The following TTC23 variants were observed in gnomAD, a reference collection of about 807,000 sequenced individuals.
The protein encoded by TTC23 is tetratricopeptide repeat domain 23.
In TTC23, 58 loss-of-function variants were observed where a neutral mutation model predicts 55.1. The ratio of observed to expected loss-of-function variants is 1.05; its 90% CI spans 0.85 to 1.31. TTC23 has a LOEUF of 1.31. TTC23 is among the 50% of genes most tolerant of loss of function. The pLI is 0.00. For synonymous variants in TTC23, 203 were observed against 199.9 expected (o/e 1.02, Z -0.13); for missense variants, 516 against 534.4 (o/e 0.97, Z 0.34).
At chr15:99,204,081 A>G (rs1220917632) in intron 8 of TTC23, among the ~76,000 whole-genome samples, 1 of 152,222 alleles carries the variant, frequency 6.6e-6, no homozygotes, top group Admixed American at 6.5e-5. Flanking sequence ...ACTATTCTCC[A>G]TAGTGGCTGT....
At chr15:99,182,600 C>T (rs1218924376) in intron 9 of TTC23, among the ~76,000 whole-genome samples, 3 of 151,998 alleles carry the variant, frequency 2.0e-5, no homozygotes, top group Non-Finnish European at 4.4e-5. Context: ...CATTTTTACT[C>T]TGTCAAATTT....
chr15:99,210,233 G>C (rs1182888647), intron 8 of TTC23, among the ~76,000 whole-genome samples: 1 of 151,988 alleles, frequency 6.6e-6, no homozygotes, highest in Non-Finnish European at 1.5e-5. Context: ...GTCAGAAAAG[G>C]AAAGACAGAA....
chr15:99,171,232 G>C (rs1405506170), intron 10 of TTC23, among the ~76,000 whole-genome samples: 1 of 152,172 alleles, frequency 6.6e-6, no homozygotes. Flanking sequence ...AACAGTTCAA[G>C]TGTCTTCTGG....
At chr15:99,147,463 G>C (rs1555494486) in intron 12 of TTC23, among the ~76,000 whole-genome samples, 1 of 151,492 alleles carries the variant, frequency 6.6e-6, no homozygotes, top group African/African-American at 2.4e-5. Context: ...CTGACCTCGT[G>C]ATCCTCCTGC....
chr15:99,138,796 G>A (rs1201992002), intron 13 of TTC23, among the ~76,000 whole-genome samples: 1 of 152,212 alleles, frequency 6.6e-6, no homozygotes, highest in Non-Finnish European at 1.5e-5. Flanking sequence ...GTCTGCTCCG[G>A]GCTGTGGCCC....
chr15:99,151,636 C>T (rs1321768780), intron 12 of TTC23, among the ~76,000 whole-genome samples: 2 of 152,214 alleles, frequency 1.3e-5, no homozygotes, highest in African/African-American at 4.8e-5. Context: ...CCCTTTATAC[C>T]TGAGCTAGTT....
chr15:99,244,666 C>T (rs1406289891), intron 2 of TTC23, among the ~76,000 whole-genome samples: 1 of 152,018 alleles, frequency 6.6e-6, no homozygotes, highest in African/African-American at 2.4e-5. Context: ...ATTCCATGTT[C>T]ATAGATTAAA....
At position 99,241,742 on chromosome 15, in the gene TTC23, C is replaced by T. The variant is rs1232042651; in HGVS notation, c.-308-183G>A. The stretch of plus-strand genomic sequence containing the variant: ...GGAGCTCAGTTCTGAAGGTCCCCTG[C>T]TTTTCCAGGTGTGAACCGTTGGAGG... On this transcript the variant is annotated intron_variant, in intron 2 of 13. Coordinates refer to ENST00000394132, the MANE Select transcript of TTC23 (RefSeq NM_001288615.3). Among the ~76,000 whole-genome samples, 3 of 152,222 alleles carry T rather than the reference C, an allele frequency of 2.0e-5. No homozygotes were observed. The East Asian group carries it at 5.8e-4, about 29-fold the overall frequency.
intron 8 of TTC23, among the ~76,000 whole-genome samples, chr15:99,207,671 C>T (rs1258398435): frequency 6.6e-6 from 1 of 152,154 alleles, no homozygotes; most frequent in Admixed American, 6.5e-5. Context: ...GCATGAGAAT[C>T]GCTTGAACCC....
At chr15:99,209,517 G>A (rs1186340236) in intron 8 of TTC23, among the ~76,000 whole-genome samples, 1 of 152,254 alleles carries the variant, frequency 6.6e-6, no homozygotes, top group East Asian at 1.9e-4. Flanking sequence ...GGGCTCTGCT[G>A]GGCCACTTTC....
intron 10 of TTC23, among the ~76,000 whole-genome samples, chr15:99,168,952 TC>T (rs1178463748): frequency 6.6e-6 from 1 of 152,154 alleles, no homozygotes; most frequent in Non-Finnish European, 1.5e-5. Flanking sequence ...TTGCTTGGCC[TC>T]TAACTTGCTG....
chr15:99,196,661 G>T (rs556997724), intron 9 of TTC23, among the ~76,000 whole-genome samples: 10 of 152,120 alleles, frequency 6.6e-5, no homozygotes, highest in Non-Finnish European at 1.3e-4. Context: ...AGCACCACCT[G>T]AGTATGGGCT....
intron 8 of TTC23, among the ~76,000 whole-genome samples, chr15:99,214,110 T>C (rs1273456725): frequency 6.6e-6 from 1 of 152,148 alleles, no homozygotes; most frequent in Non-Finnish European, 1.5e-5. Context: ...TGTAAGAGTA[T>C]CTTATTTATT....
chr15:99,171,004 T>C (rs2072851613), intron 10 of TTC23, among the ~76,000 whole-genome samples: 1 of 152,226 alleles, frequency 6.6e-6, no homozygotes, highest in Non-Finnish European at 1.5e-5. Context: ...GGGTTCTTCT[T>C]GCTTTTATTG....
At chr15:99,198,340 G>C (rs973640044) in intron 9 of TTC23, among the ~76,000 whole-genome samples, 2 of 152,148 alleles carry the variant, frequency 1.3e-5, no homozygotes, top group African/African-American at 4.8e-5. Context: ...AAACCTGGGA[G>C]TCATCTATAA....
In TTC23 at chr15:99,221,545, A is replaced by T. The variant is rs1476745492; in HGVS notation, c.304+196T>A. The stretch of plus-strand genomic sequence containing the variant: ...AAACAAAAAAACCAGAAAAGTTAAA[A>T]TATTTTTTCCATTTTTCCCCTTTGA... On this transcript the variant is annotated intron_variant, in intron 6 of 13. Coordinates refer to ENST00000394132, the MANE Select transcript of TTC23 (RefSeq NM_001288615.3). 2.6e-5 allele frequency among the ~76,000 whole-genome samples: 4 copies of T among 152,344 alleles called. No homozygotes were observed. In the South Asian group the frequency reaches 8.3e-4, roughly 32 times the overall value.
At chr15:99,152,045 C>T (rs2069836205) in intron 12 of TTC23, among the ~76,000 whole-genome samples, 1 of 152,168 alleles carries the variant, frequency 6.6e-6, no homozygotes, top group South Asian at 2.1e-4. Context: ...GGAGGTGGGG[C>T]CTGGTGGGAG....
intron 9 of TTC23, among the ~76,000 whole-genome samples, chr15:99,176,234 A>G (rs1191433961): frequency 6.6e-6 from 1 of 152,176 alleles, no homozygotes; most frequent in Non-Finnish European, 1.5e-5. Context: ...AAAATAAAAT[A>G]CGGTGAAGTA....
At chr15:99,248,028 C>T (rs1482626611) in intron 1 of TTC23, among the ~76,000 whole-genome samples, 1 of 152,084 alleles carries the variant, frequency 6.6e-6, no homozygotes, top group African/African-American at 2.4e-5. Flanking sequence ...TTTATAAAGA[C>T]GGGGCAACCA....
Sources: gnomAD v4.1 joint callset for allele counts (sites outside exome capture counted in the v4.1 genomes callset) on GRCh38, gnomAD v4.1.1 for gene constraint, MANE v1.5 for transcripts, NCBI Gene and HGNC (gene_info 2026-07-23, HGNC 2026-07-21) for gene names.